ZAN: variants seen among roughly 807,000 people sequenced by gnomAD.
ZAN encodes zonadhesin, also known as zonadhesin (gene/pseudogene).
A neutral mutation model predicts 286.2 loss-of-function variants in ZAN; 260 were observed. The ratio of observed to expected loss-of-function variants is 0.91; its 90% CI spans 0.82 to 1.01. The LOEUF is 1.01. Ranked by LOEUF, ZAN falls within the 50% of genes least tolerant of loss-of-function variation. ZAN has a pLI of 0.00. For synonymous variants in ZAN, 1,368 were observed against 1,417.5 expected, an observed-to-expected ratio of 0.97 and a Z score of 0.79; for missense variants, 3,410 against 3,639.2, an observed-to-expected ratio of 0.94 and a Z score of 1.62.
chr7:100,779,744 T>C lies in ZAN; in HGVS notation c.6616T>C (p.Phe2206Leu). Reference sequence around the variant, plus strand: ...GCCCCCACTCTGGAGAAACAGCAGCTTCTGCCGTGAGTGTGCCCTGCTGTC... The same window carrying C: ...GCCCCCACTCTGGAGAAACAGCAGCCTCTGCCGTGAGTGTGCCCTGCTGTC... ...LKPPLWRNSS[F>L]CPLECPAYSS... The change falls in exon 35 of 48, where the codon TTC becomes CTC. Residue 2206 changes from phenylalanine (F) to leucine (L), a missense_variant. Coordinates refer to ENST00000613979, the MANE Select transcript of ZAN (RefSeq NM_003386.3). The C allele has an allele frequency of 1.3e-6, 2 of 1,551,550 alleles. No individual in the cohort carries two copies. The highest frequency in any genetic ancestry group is 2.4e-5 in the East Asian group (1 of 41,098).
intron 28 of ZAN, 92 bp downstream of exon 28, chr7:100,770,066 G>A (rs1406845615): frequency 1.6e-6 from 2 of 1,258,302 alleles, no homozygotes; most frequent in Non-Finnish European, 2.2e-6. Context: ...AACAAGACCA[G>A]AAACAGATGG....
At position 100,793,574 on chromosome 7, in the gene ZAN, A is replaced by G. The variant is rs185147971; in HGVS notation, c.7788-246A>G. On this transcript the variant is annotated intron_variant, in intron 42 of 47. Transcript: ENST00000613979. Reference sequence around the variant, plus strand: ...TGTCTCAGCCTCCCGAGTAGCTGGTATTACAGGTGCCCGCCACCACGCCCG... The same window carrying G: ...TGTCTCAGCCTCCCGAGTAGCTGGTGTTACAGGTGCCCGCCACCACGCCCG... 8.4e-3 allele frequency among the ~76,000 whole-genome samples: 1,275 copies of G among 152,014 alleles called. 21 individuals are homozygous for G. The highest frequency in any genetic ancestry group is 0.028 in the African/African-American group (1,146 of 41,456).
chr7:100,772,863 T>G (rs1392937612), intron 29 of ZAN, among the ~76,000 whole-genome samples: 4 of 150,936 alleles, frequency 2.7e-5, no homozygotes, highest in Admixed American at 6.6e-5. Context: ...ATGTCTGTTT[T>G]TTTTTTGTTT....
chr7:100,773,215 C>T, intron 29 of ZAN, 70 bp from the exon 30 acceptor site: 1 of 1,566,624 alleles, frequency 6.4e-7, no homozygotes. Context: ...CTACTAGGAG[C>T]TTTTGATGCC....
rs1811545916 is a variant in ZAN, at chr7:100,786,069, G to A, written c.6907G>A (p.Asp2303Asn). The change falls in exon 37 of 48, where the codon GAC becomes AAC. Residue 2303 changes from aspartate to asparagine, a missense_variant. Coordinates refer to ENST00000613979, the MANE Select transcript of ZAN (RefSeq NM_003386.3). The stretch of plus-strand genomic sequence containing the variant: ...CACGGGAGGAGCCATTCAGTGCGGG[G>A]ACTTCCGATGCCCCTCTGGGTCCCA... ...VCTGGAIQCGDFRCPSGSHCQ... is the reference protein window; with the variant it reads ...VCTGGAIQCGNFRCPSGSHCQ... The A allele has an allele frequency of 6.2e-7, 1 of 1,614,026 alleles. No homozygotes were observed. Among genetic ancestry groups the A allele is most frequent in the South Asian group, 1.1e-5 (1 of 91,090 alleles).
intron 15 of ZAN, 59 bp downstream of exon 15, chr7:100,755,469 T>C: frequency 1.3e-6 from 2 of 1,571,572 alleles, no homozygotes; most frequent in Non-Finnish European, 1.7e-6. Context: ...ACACCTGGGT[T>C]CCAGCTCCAT....
At chr7:100,750,099 C>CACACACA (rs996745393) in intron 11 of ZAN, among the ~76,000 whole-genome samples, 2 of 147,854 alleles carry the variant, frequency 1.4e-5, no homozygotes, top group South Asian at 2.1e-4. Flanking sequence ...CACACACACA[C>CACACACA]GACATTAATG....
Position 100,795,319 on chromosome 7 carries a change from C to A in ZAN, c.8249C>A (p.Pro2750Gln). Residue 2750 changes from proline (P) to glutamine (Q), a missense_variant, in exon 45 of 48, where the codon CCA (proline) becomes CAA (glutamine). Transcript: ENST00000613979. ...GGLCMEPRDAPPPRKPASNLV... is the reference protein window; with the variant it reads ...GGLCMEPRDAQPPRKPASNLV... ...CTGTGTATGGAGCCTCGAGATGCGC[C>A]ACCTCCCAGAAAGCCAGGTGAGGGC... is the stretch of plus-strand genomic sequence containing the variant. 4 of 1,591,840 alleles carry A rather than the reference C, an allele frequency of 2.5e-6. No homozygotes were observed. The highest frequency in any genetic ancestry group is 3.4e-6 in the Non-Finnish European group (4 of 1,166,586).
Position 100,785,223 on chromosome 7 carries a change from C to CT in ZAN, c.6834+411dup, listed in dbSNP as rs5886135. ...AAGTCACCAAGCACAAACACAGTGC[C>CT]TTTTTTTTTTTTTTTTTTTTTTGAG... On this transcript the variant is annotated intron_variant, in intron 36 of 47. Coordinates refer to ENST00000613979, the MANE Select transcript of ZAN (RefSeq NM_003386.3). 3.0e-3 allele frequency among the ~76,000 whole-genome samples: 260 copies of CT among 87,528 alleles called. 4 individuals are homozygous for CT. Among genetic ancestry groups the CT allele is most frequent in the African/African-American group, 8.0e-3 (185 of 23,172 alleles). The allele number at this position is 87,528 out of a possible 152,430, so 57.4% of individuals were successfully genotyped here. A position where few individuals can be genotyped will look rare whatever the true frequency, so the allele number is the denominator to read the frequency against.
At chr7:100,743,589 A>G (rs1807966693) in intron 7 of ZAN, among the ~76,000 whole-genome samples, 2 of 152,282 alleles carry the variant, frequency 1.3e-5, no homozygotes, top group South Asian at 4.1e-4. Flanking sequence ...ATGTTTTTAA[A>G]AACTAGGCCA....
intron 42 of ZAN, among the ~76,000 whole-genome samples, chr7:100,793,424 C>T (rs891134498): frequency 3.3e-5 from 5 of 152,056 alleles, no homozygotes; most frequent in South Asian, 2.1e-4. Context: ...CTATATGCAA[C>T]GCTGAGTGTT....
At chr7:100,775,900 T>G (rs1043197130) in intron 33 of ZAN, 67 bp downstream of exon 33, 61 of 1,577,798 alleles carry the variant, frequency 3.9e-5, no homozygotes, top group Middle Eastern at 1.7e-4. Context: ...CCGGCAGGGA[T>G]GGGGGGCAGT....
rs1037350386 is a variant in ZAN at position 100,779,885 on chromosome 7, T to C, written c.6622+135T>C. The C allele has an allele frequency of 3.9e-6, 4 of 1,025,256 alleles. No individual in the cohort carries two copies. The African/African-American group carries it at 4.8e-5, about 12-fold the overall frequency. The allele number at this position is 1,025,256 out of a possible 1,614,324, so 63.5% of individuals were successfully genotyped here. A position where few individuals can be genotyped will look rare whatever the true frequency, so the allele number is the denominator to read the frequency against. The stretch of plus-strand genomic sequence containing the variant: ...CTCATTGTTTCTTTGACAAGGACTA[T>C]TTTTTAATTTTTATATAAAATTTTT... On this transcript the variant is annotated intron_variant, in intron 35 of 47. Coordinates refer to ENST00000613979, the MANE Select transcript of ZAN (RefSeq NM_003386.3).
At chr7:100,738,889 C>T (rs1441181039) in intron 7 of ZAN, among the ~76,000 whole-genome samples, 77 of 2,650 alleles carry the variant, frequency 0.029, 11 homozygotes, top group Non-Finnish European at 0.043. Context: ...CTCTCCCTCT[C>T]CCTCTCCCTC....
chr7:100,741,545 G>C (rs1196876211), intron 7 of ZAN, among the ~76,000 whole-genome samples: 2 of 32,506 alleles, frequency 6.2e-5, no homozygotes, highest in Admixed American at 5.1e-4. Flanking sequence ...CGGACGGGGC[G>C]GCTGGCCGGG....
At chr7:100,749,657 T>G (rs867491978) in intron 11 of ZAN, among the ~76,000 whole-genome samples, 1 of 125,198 alleles carries the variant, frequency 8.0e-6, no homozygotes, top group Non-Finnish European at 1.6e-5. Context: ...AAAAAATATA[T>G]ATATATATAT....
At chr7:100,791,398 CCTCCTCCTCCTTCTTCTT>C (rs1022220317) in intron 40 of ZAN, among the ~76,000 whole-genome samples, 7 of 151,898 alleles carry the variant, frequency 4.6e-5, no homozygotes, top group African/African-American at 7.3e-5. Flanking sequence ...TCCTTCTCCT[CCTCCTCCTCCTTCTTCTT>C]CTCCTCCTCC....
In ZAN at chr7:100,762,364, C is replaced by A. The variant is rs1036242093; in HGVS notation, c.3986+6C>A. 2.5e-6 allele frequency: 4 copies of A among 1,599,150 alleles called. No individual in the cohort carries two copies. Among genetic ancestry groups the A allele is most frequent in the Non-Finnish European group, 3.4e-6 (4 of 1,171,600 alleles). On this transcript the variant is annotated splice_donor_region_variant and intron_variant, in intron 20 of 47. Transcript: ENST00000613979. The stretch of plus-strand genomic sequence containing the variant: ...GACCAGGACGAGGACCAGGAGTGAG[C>A]AAGGAGCCCTCCCACCGGGGCCCTG...
rs530188797 is a variant in ZAN, at chr7:100,734,368, C to T, written c.53+147C>T. Reference sequence around the variant, plus strand: ...GGCACGGTGGCTCACGCCTGTAATCCCAGCACTTTGGGAGGCTGAGGTGGG... The same window carrying T: ...GGCACGGTGGCTCACGCCTGTAATCTCAGCACTTTGGGAGGCTGAGGTGGG... On this transcript the variant is annotated intron_variant, in intron 2 of 47. Transcript: ENST00000613979. 35 of 535,394 alleles carry T rather than the reference C, an allele frequency of 6.5e-5. 4 individuals carry two copies. The highest frequency in any genetic ancestry group is 6.0e-4 in the African/African-American group (29 of 48,366). 33.2% of individuals were successfully genotyped at this position (535,394 alleles called of 1,614,324 possible).
Sources: allele counts gnomAD v4.1 joint callset (sites outside exome capture counted in the v4.1 genomes callset), GRCh38; gene constraint gnomAD v4.1.1; transcripts MANE v1.5; gene names NCBI Gene and HGNC (gene_info 2026-07-23, HGNC 2026-07-21).